Variants in AUTS2 observed in about 807,000 individuals in gnomAD.
AUTS2 encodes the protein autism susceptibility gene 2 protein.
AUTS2 carries 17 observed loss-of-function variants against 112.4 expected under a neutral mutation model. The ratio of observed to expected loss-of-function variants is 0.15; its 90% confidence interval spans 0.10 to 0.23. AUTS2 has a LOEUF of 0.23. Ranked by LOEUF, AUTS2 falls within the 10% of genes least tolerant of loss-of-function variation. The probability of loss-of-function intolerance (pLI) is 1.00; values close to 1 mark genes in which losing one functional copy is unlikely to be tolerated. For missense variants in AUTS2, 1,510 were observed against 1,701.6 expected (o/e 0.89, Z 1.98); for synonymous variants, 751 against 702.7 (o/e 1.07, Z -1.09).
chr7:70,309,309 GT>G (rs1176236853), intron 4 of AUTS2, among the ~76,000 whole-genome samples: 3 of 152,194 alleles, frequency 2.0e-5, no homozygotes, highest in Admixed American at 6.5e-5. Context: ...TCAGGACCAG[GT>G]TTTGATAGTG....
intron 4 of AUTS2, among the ~76,000 whole-genome samples, chr7:70,304,436 A>G (rs1440279213): frequency 6.6e-6 from 1 of 152,180 alleles, no homozygotes; most frequent in Non-Finnish European, 1.5e-5. Flanking sequence ...ACTGCCCTGG[A>G]TCCGAATTGC....
rs148333633 is a variant in AUTS2 at position 70,790,777 on chromosome 7, G to C, written c.3561G>C (p.Pro1187=). Residue 1187 remains proline (P), a synonymous_variant, in exon 19 of 19, where the codon CCG becomes CCC. Coordinates refer to ENST00000342771, the MANE Select transcript of AUTS2 (RefSeq NM_015570.4). The surrounding 1 kb of genome is among the most constrained non-coding windows in gnomAD (Gnocchi z 7.6). ...TCCCCCACCCCAGCCTCATCACCCC[G>C]GGACTCCCCAGCATGCACTATCCCC... The part of the protein sequence containing the change: ...GHLPHPSLIT[P]GLPSMHYPRI... 1.2e-6 allele frequency: 2 copies of C among 1,600,492 alleles called. No homozygotes were observed. Among genetic ancestry groups the C allele is most frequent in the Non-Finnish European group, 1.7e-6 (2 of 1,172,424 alleles).
chr7:69,698,215 C>G (rs73436202), intron 1 of AUTS2, among the ~76,000 whole-genome samples: 2 of 152,010 alleles, frequency 1.3e-5, no homozygotes. Flanking sequence ...TGTGTATATG[C>G]GAAAAATTGA....
At chr7:70,477,882 T>C (rs1797641225) in intron 5 of AUTS2, among the ~76,000 whole-genome samples, 1 of 152,252 alleles carries the variant, frequency 6.6e-6, no homozygotes, top group Non-Finnish European at 1.5e-5. Context: ...CCAAAGATGT[T>C]GGGTCATCCG....
intron 1 of AUTS2, among the ~76,000 whole-genome samples, chr7:69,779,050 TAAAAAA>T (rs1554368326): frequency 1.2e-5 from 1 of 86,578 alleles, no homozygotes; most frequent in South Asian, 4.6e-4. Flanking sequence ...TTTTTTTTTT[TAAAAAA>T]AAAAAAAAAA....
intron 4 of AUTS2, among the ~76,000 whole-genome samples, chr7:70,396,938 A>C (rs2129978390): frequency 1.3e-5 from 2 of 152,302 alleles, no homozygotes; most frequent in South Asian, 4.1e-4. Flanking sequence ...AATGTTTTAC[A>C]AAAATGTCAA....
At chr7:70,541,595 A>G (rs749992557) in intron 5 of AUTS2, among the ~76,000 whole-genome samples, 11 of 152,190 alleles carry the variant, frequency 7.2e-5, no homozygotes, top group Non-Finnish European at 1.6e-4. Context: ...GCTTCACATC[A>G]TATGCAAATT....
intron 1 of AUTS2, among the ~76,000 whole-genome samples, chr7:69,653,286 C>T (rs1019584256): frequency 2.0e-5 from 3 of 152,130 alleles, no homozygotes; most frequent in African/African-American, 7.2e-5. Flanking sequence ...GTGTCCTGTC[C>T]CCAAAGACTA....
intron 1 of AUTS2, among the ~76,000 whole-genome samples, chr7:69,869,043 G>A (rs569130828): frequency 1.2e-4 from 19 of 152,298 alleles, no homozygotes; most frequent in Non-Finnish European, 2.6e-4. Flanking sequence ...CTGAATGAAG[G>A]GGATCAGCCA....
intron 7 of AUTS2, among the ~76,000 whole-genome samples, chr7:70,763,776 C>T (rs1234517971): frequency 6.6e-6 from 1 of 151,976 alleles, no homozygotes; most frequent in African/African-American, 2.4e-5. Context: ...GCTCCAAAGG[C>T]AGGAAGATTG....
intron 1 of AUTS2, among the ~76,000 whole-genome samples, chr7:69,695,325 G>A (rs1797511559): frequency 6.6e-6 from 1 of 151,564 alleles, no homozygotes; most frequent in Non-Finnish European, 1.5e-5. Context: ...CAAGACTCTT[G>A]TATAAAAAAG....
At chr7:70,366,244 A>G (rs758832697) in intron 4 of AUTS2, among the ~76,000 whole-genome samples, 3 of 152,220 alleles carry the variant, frequency 2.0e-5, no homozygotes, top group African/African-American at 7.2e-5. Flanking sequence ...AGACAGATCC[A>G]TAAGCAAATA....
chr7:69,963,114 TG>T (rs1417599174), intron 2 of AUTS2, among the ~76,000 whole-genome samples: 11 of 151,654 alleles, frequency 7.3e-5, no homozygotes, highest in African/African-American at 2.7e-4. Context: ...ACAAAAAAGG[TG>T]GGTGGGAAAT....
chr7:70,139,233 C>T (rs1806726300), intron 4 of AUTS2, among the ~76,000 whole-genome samples: 8 of 152,168 alleles, frequency 5.3e-5, no homozygotes, highest in Admixed American at 3.9e-4. Flanking sequence ...TCCCAAAGTG[C>T]TAAGATTACA....
chr7:70,718,802 TA>T (rs758389872), intron 6 of AUTS2, among the ~76,000 whole-genome samples: 5 of 152,356 alleles, frequency 3.3e-5, no homozygotes, highest in South Asian at 4.1e-4. Context: ...TTGTATAAAA[TA>T]CCTTGCATTG....
Position 70,124,489 on chromosome 7 carries a change from G to A in AUTS2, c.624+6256G>A, listed in dbSNP as rs867979402. Among the ~76,000 whole-genome samples, 7 of 151,936 alleles carry A rather than the reference G, an allele frequency of 4.6e-5. No individual in the cohort carries two copies. In the Middle Eastern group the frequency reaches 0.01, roughly 225 times the overall value. ...TCTTCCAGGGTTTTTATAGTTCTGGGTTTTACACTTGTCTTTAATCCATCT... is the reference window on the plus strand; with the variant it reads ...TCTTCCAGGGTTTTTATAGTTCTGGATTTTACACTTGTCTTTAATCCATCT... On this transcript the variant is annotated intron_variant, in intron 3 of 18. Transcript: ENST00000342771.
intron 1 of AUTS2, among the ~76,000 whole-genome samples, chr7:69,700,870 C>CTT (rs771040460): frequency 1.2e-4 from 19 of 152,160 alleles, no homozygotes; most frequent in Non-Finnish European, 2.6e-4. Context: ...TTTTCTGGAG[C>CTT]TTCAGGCTGT....
chr7:69,852,142 A>C (rs62458774), intron 1 of AUTS2, among the ~76,000 whole-genome samples: 6,301 of 152,152 alleles, frequency 0.041, 245 homozygotes, highest in Non-Finnish European at 0.055. Context: ...AAGCTGAGGA[A>C]ATTCCTTTCT....
intron 5 of AUTS2, among the ~76,000 whole-genome samples, chr7:70,671,664 C>T (rs182368976): frequency 6.6e-6 from 1 of 152,122 alleles, no homozygotes; most frequent in Non-Finnish European, 1.5e-5. Flanking sequence ...AATAACCCCC[C>T]CTATGAATGA....
Sources: allele counts gnomAD v4.1 joint callset (sites outside exome capture counted in the v4.1 genomes callset), GRCh38; gene constraint gnomAD v4.1.1; non-coding constraint Gnocchi (gnomAD v3.1); transcripts MANE v1.5; gene names NCBI Gene and HGNC (gene_info 2026-07-23, HGNC 2026-07-21).